Variants in PARP4 observed in about 807,000 individuals in gnomAD.
The protein encoded by PARP4 is poly(ADP-ribose) polymerase family member 4, also known as protein mono-ADP-ribosyltransferase PARP4.
A neutral mutation model predicts 187.7 loss-of-function variants in PARP4; 120 were observed. The ratio of observed to expected loss-of-function variants is 0.64; its 90% confidence interval spans 0.55 to 0.74. The LOEUF (loss-of-function observed/expected upper bound fraction) is 0.74. PARP4 is among the 30% of genes least tolerant of loss of function. The pLI is 0.00. For synonymous variants in PARP4, 654 were observed against 740.9 expected, an observed-to-expected ratio of 0.88 and a Z score of 1.90; for missense variants, 1,836 against 2,070.5, an observed-to-expected ratio of 0.89 and a Z score of 2.20.
At chr13:24,459,837 T>C in intron 18 of PARP4, 135 bp downstream of exon 18, 2 of 646,640 alleles carry the variant, frequency 3.1e-6, no homozygotes, top group South Asian at 2.3e-5. Context: ...TCTAAATGCA[T>C]GTCAGTAAAA....
intron 25 of PARP4, among the ~76,000 whole-genome samples, chr13:24,447,870 C>T (rs879090342): frequency 6.6e-5 from 10 of 152,162 alleles, no homozygotes; most frequent in Non-Finnish European, 1.5e-4. Flanking sequence ...ATCAGAACCA[C>T]GGTGAGATCC....
chr13:24,498,244 G>A lies in PARP4; in HGVS notation c.478-15C>T. The A allele has an allele frequency of 3.8e-6, 6 of 1,570,564 alleles. No individual in the cohort carries two copies. Among genetic ancestry groups the A allele is most frequent in the South Asian group, 2.2e-5 (2 of 90,160 alleles). ...TCCATTCCCACCTGGAAAACAGGAT[G>A]TGCTTTCAGAAGCTGCACTCGGGAA... On this transcript the variant is annotated splice_polypyrimidine_tract_variant and intron_variant, in intron 5 of 33. Coordinates refer to ENST00000381989, the MANE Select transcript of PARP4 (RefSeq NM_006437.4).
chr13:24,440,266 C>T (rs1487546301), intron 30 of PARP4, among the ~76,000 whole-genome samples: 3 of 151,672 alleles, frequency 2.0e-5, no homozygotes, highest in Non-Finnish European at 4.4e-5. Context: ...AGTGTGGTGG[C>T]GCGTACCTGT....
chr13:24,469,222 C>G (rs1004273310), intron 16 of PARP4, 112 bp from the exon 17 acceptor site: 9 of 714,838 alleles, frequency 1.3e-5, no homozygotes, highest in African/African-American at 3.5e-5. Flanking sequence ...AAAACTGAGT[C>G]TAAGGTGAAT....
At chr13:24,449,258 G>A (rs903230487) in intron 25 of PARP4, among the ~76,000 whole-genome samples, 15 of 152,024 alleles carry the variant, frequency 9.9e-5, no homozygotes, top group Admixed American at 2.0e-4. Flanking sequence ...CATGGTGGCT[G>A]GTGCCTGTAG....
At chr13:24,503,535 GCTCA>G (rs1869428480) in intron 2 of PARP4, 106 bp downstream of exon 2, 9 of 1,286,054 alleles carry the variant, frequency 7.0e-6, no homozygotes, top group Non-Finnish European at 1.0e-5. Flanking sequence ...ACTTCGAGTA[GCTCA>G]CTCACTCTCT....
chr13:24,481,647 C>A (rs184881947), intron 12 of PARP4, among the ~76,000 whole-genome samples: 2 of 152,148 alleles, frequency 1.3e-5, no homozygotes, highest in South Asian at 4.1e-4. Context: ...GAGCCAAGAT[C>A]ACACCATTGC....
chr13:24,510,091 CCA>C lies in PARP4; in HGVS notation c.-2+2613_-2+2614del, dbSNP rs376579139. ...TAATATTCTATATTTAATGTTATAG[CCA>C]GTTGCTCTTTACTTTTTAAATAGGA... On this transcript the variant is annotated intron_variant, in intron 1 of 33. Transcript: ENST00000381989. Among the ~76,000 whole-genome samples the C allele has an allele frequency of 3.0e-4, 45 of 152,268 alleles. No individual in the cohort carries two copies. The South Asian group carries it at 9.1e-3, about 31-fold the overall frequency.
chr13:24,450,337 CAAT>C (rs1871443637), intron 24 of PARP4, among the ~76,000 whole-genome samples: 1 of 151,742 alleles, frequency 6.6e-6, no homozygotes, highest in African/African-American at 2.4e-5. Context: ...TTTCTCTCTA[CAAT>C]AATTCTACAA....
chr13:24,499,266 T>TC (rs1438980445), intron 5 of PARP4, 35 bp downstream of exon 5: 1 of 1,439,352 alleles, frequency 6.9e-7, no homozygotes, highest in East Asian at 2.6e-5. Context: ...GGTGTGTTTT[T>TC]TTTTTTTTTT....
At chr13:24,503,502 G>A (rs1230666044) in intron 2 of PARP4, 143 bp downstream of exon 2, 5 of 958,618 alleles carry the variant, frequency 5.2e-6, no homozygotes, top group Non-Finnish European at 7.9e-6. Flanking sequence ...CTCCCAATGG[G>A]CCATGTCAGT....
intron 1 of PARP4, among the ~76,000 whole-genome samples, chr13:24,510,698 T>C (rs967537457): frequency 2.0e-5 from 3 of 152,206 alleles, no homozygotes; most frequent in Non-Finnish European, 4.4e-5. Flanking sequence ...AGTATAAACA[T>C]TTTTTAGCCT....
At chr13:24,479,335 C>CA (rs1243433343) in intron 12 of PARP4, among the ~76,000 whole-genome samples, 2 of 152,132 alleles carry the variant, frequency 1.3e-5, no homozygotes, top group Non-Finnish European at 2.9e-5. Context: ...AACTTACAAG[C>CA]ATGCTTTCTT....
chr13:24,429,767 C>T (rs531219586), intron 32 of PARP4, among the ~76,000 whole-genome samples: 8 of 152,262 alleles, frequency 5.3e-5, no homozygotes, highest in Admixed American at 5.2e-4. Flanking sequence ...TAGGAGACAG[C>T]CAAGGATCTG....
intron 15 of PARP4, among the ~76,000 whole-genome samples, chr13:24,474,956 C>T (rs1872909880): frequency 6.6e-6 from 1 of 152,198 alleles, no homozygotes. Context: ...CGCGCCTGGG[C>T]CAGATCAGCC....
chr13:24,438,324 C>A (rs559001069), intron 30 of PARP4, among the ~76,000 whole-genome samples: 4 of 152,166 alleles, frequency 2.6e-5, no homozygotes, highest in Non-Finnish European at 5.9e-5. Flanking sequence ...AATCTACTGC[C>A]GCTGCTGACG....
At chr13:24,469,792 T>C (rs1011977952) in intron 16 of PARP4, 102 bp downstream of exon 16, 5 of 1,192,388 alleles carry the variant, frequency 4.2e-6, no homozygotes, top group Non-Finnish European at 5.9e-6. Flanking sequence ...ATAAGGCTGC[T>C]ACTCAACCTT....
At chr13:24,505,312 G>C (rs1869569086) in intron 1 of PARP4, among the ~76,000 whole-genome samples, 1 of 152,156 alleles carries the variant, frequency 6.6e-6, no homozygotes, top group Non-Finnish European at 1.5e-5. Context: ...TATAGGTATG[G>C]GCGGGAGGGG....
At chr13:24,441,008 A>G (rs556690103) in intron 30 of PARP4, among the ~76,000 whole-genome samples, 9 of 152,198 alleles carry the variant, frequency 5.9e-5, no homozygotes, top group Admixed American at 5.9e-4. Context: ...AGTAGCTGGG[A>G]CTACAGGCAA....
Sources: allele counts gnomAD v4.1 joint callset (sites outside exome capture counted in the v4.1 genomes callset), GRCh38; gene constraint gnomAD v4.1.1; transcripts MANE v1.5; gene names NCBI Gene and HGNC (gene_info 2026-07-23, HGNC 2026-07-21).